The following CLASP1 variants were observed in gnomAD, a reference collection of about 807,000 sequenced individuals.
CLASP1 encodes the protein cytoplasmic linker associated protein 1, also known as CLIP-associating protein 1.
A neutral mutation model predicts 192.3 loss-of-function variants in CLASP1; 38 were observed. The observed-to-expected ratio is 0.20, with a 90% CI of 0.15 to 0.26. CLASP1 has a LOEUF of 0.26. Ranked by LOEUF, CLASP1 falls within the 10% of genes least tolerant of loss-of-function variation. The pLI is 1.00. For synonymous variants in CLASP1, 691 were observed against 712.8 expected, an observed-to-expected ratio of 0.97 and a Z score of 0.49; for missense variants, 1,433 against 1,932.5, an observed-to-expected ratio of 0.74 and a Z score of 4.85.
intron 1 of CLASP1, among the ~76,000 whole-genome samples, chr2:121,645,717 G>A (rs558699737): frequency 9.6e-4 from 146 of 152,294 alleles, no homozygotes; most frequent in Non-Finnish European, 1.6e-3. Flanking sequence ...TTCCAGGCAG[G>A]AAACAAGACA....
At chr2:121,513,259 ACTCGTGTATG>A (rs1377792634) in intron 7 of CLASP1, among the ~76,000 whole-genome samples, 2 of 152,068 alleles carry the variant, frequency 1.3e-5, no homozygotes, top group Non-Finnish European at 2.9e-5. Context: ...TTCTCCAAGC[ACTCGTGTATG>A]CCAAAGTGTC....
At chr2:121,592,077 T>C (rs1452160779) in intron 2 of CLASP1, among the ~76,000 whole-genome samples, 1 of 152,198 alleles carries the variant, frequency 6.6e-6, no homozygotes, top group East Asian at 1.9e-4. Context: ...TTCTTTTTAC[T>C]CCAATGCTGT....
At chr2:121,629,548 T>C (rs1024405436) in intron 1 of CLASP1, among the ~76,000 whole-genome samples, 1 of 152,118 alleles carries the variant, frequency 6.6e-6, no homozygotes, top group Non-Finnish European at 1.5e-5. Flanking sequence ...CCCAGCACTT[T>C]GGGAGGCCGA....
At chr2:121,548,170 A>C (rs2105112649) in intron 2 of CLASP1, among the ~76,000 whole-genome samples, 1 of 152,342 alleles carries the variant, frequency 6.6e-6, no homozygotes, top group Non-Finnish European at 1.5e-5. Flanking sequence ...TAAGAACCAA[A>C]ATAAAATGAT....
At chr2:121,647,212 A>G (rs1267316413) in intron 1 of CLASP1, among the ~76,000 whole-genome samples, 1 of 151,952 alleles carries the variant, frequency 6.6e-6, no homozygotes, top group Non-Finnish European at 1.5e-5. Context: ...TACTAAAAAT[A>G]CAAAAATTAG....
chr2:121,528,734 C>T, exon 4 of CLASP1: 1 of 1,614,038 alleles, frequency 6.2e-7, no homozygotes, highest in Non-Finnish European at 8.5e-7. Context: ...CCTGCTCCCT[C>T]ACAGAGTCTT....
chr2:121,358,289 G>A (rs1321942068), intron 37 of CLASP1, among the ~76,000 whole-genome samples: 2 of 152,186 alleles, frequency 1.3e-5, no homozygotes, highest in Non-Finnish European at 2.9e-5. Flanking sequence ...ACAGCAACCT[G>A]TATTATCTTG....
At position 121,470,672 on chromosome 2, in the gene CLASP1, C is replaced by G. The variant is rs1024904021; in HGVS notation, c.713-712G>C. 2.0e-5 allele frequency: 9 copies of G among 452,698 alleles called. 1 individual carries two copies. In the Admixed American group the frequency reaches 2.2e-4, roughly 11 times the overall value. 28.0% of individuals were successfully genotyped at this position (452,698 alleles called of 1,614,324 possible). On this transcript the variant is annotated intron_variant, in intron 8 of 39. Coordinates refer to ENST00000263710, the Ensembl canonical transcript of CLASP1. ...CACTTTTTTTTGTTTGTTTGAATTT[C>G]CAATAGTTTTAGGAATGAAAACCAT...
intron 34 of CLASP1, among the ~76,000 whole-genome samples, chr2:121,374,367 G>C (rs2069477858): frequency 6.6e-6 from 1 of 152,260 alleles, no homozygotes. Flanking sequence ...CCAGGCAAAA[G>C]TCTGCTGCAG....
At chr2:121,603,968 C>T (rs1397398177) in intron 2 of CLASP1, among the ~76,000 whole-genome samples, 1 of 152,144 alleles carries the variant, frequency 6.6e-6, no homozygotes, top group African/African-American at 2.4e-5. Flanking sequence ...TACAAAATTA[C>T]AGCTAGATAG....
Position 121,530,938 on chromosome 2 carries a change from T to C in CLASP1, c.196-613A>G, listed in dbSNP as rs942326759. The C allele has an allele frequency of 1.3e-5, 9 of 700,434 alleles. No individual in the cohort carries two copies. Among genetic ancestry groups the C allele is most frequent in the Non-Finnish European group, 2.1e-5 (8 of 384,814 alleles). 43.4% of individuals were successfully genotyped at this position (700,434 alleles called of 1,614,324 possible). A position where few individuals can be genotyped will look rare whatever the true frequency, so the allele number is the denominator to read the frequency against. ...AATGAGCGCATAGTGAGGGCAGTAC[T>C]GCTAACGCCTGAACAACACACCCGC... On this transcript the variant is annotated intron_variant, in intron 2 of 39. Transcript: ENST00000263710.
intron 19 of CLASP1, among the ~76,000 whole-genome samples, chr2:121,439,397 CT>C (rs1473809753): frequency 2.6e-5 from 4 of 151,970 alleles, no homozygotes; most frequent in African/African-American, 9.7e-5. Context: ...TCTTGCTTTT[CT>C]AGTTCTTTTA....
At chr2:121,431,527 C>A (rs747078198) in intron 19 of CLASP1, among the ~76,000 whole-genome samples, 3 of 130,102 alleles carry the variant, frequency 2.3e-5, no homozygotes, top group Non-Finnish European at 4.5e-5. Flanking sequence ...TGAGCTAAAT[C>A]AAGGCAAATC....
At chr2:121,403,417 G>A (rs1289668633) in intron 26 of CLASP1, 1 of 456,592 alleles carries the variant, frequency 2.2e-6, no homozygotes, top group African/African-American at 2.0e-5. Context: ...CTACGAGGAA[G>A]CAAGGATAGG....
intron 30 of CLASP1, among the ~76,000 whole-genome samples, chr2:121,390,399 A>C (rs1667626671): frequency 6.6e-6 from 1 of 152,208 alleles, no homozygotes; most frequent in Non-Finnish European, 1.5e-5. Context: ...AGTACTGCTG[A>C]CTTTTTCTAA....
chr2:121,606,687 T>G (rs2105919271), intron 1 of CLASP1, among the ~76,000 whole-genome samples: 2 of 152,316 alleles, frequency 1.3e-5, no homozygotes, highest in South Asian at 4.1e-4. Flanking sequence ...GGGCAGCACC[T>G]ACATCACACT....
chr2:121,515,903 T>C (rs77891775), intron 6 of CLASP1, 141 bp from the exon 7 acceptor site: 63 of 667,436 alleles, frequency 9.4e-5, no homozygotes, highest in African/African-American at 6.0e-4. Flanking sequence ...TATACATTTG[T>C]CTAGAGAAAG....
rs867445838 is a variant in CLASP1, at chr2:121,514,518, C to A, written c.644+1147G>T. Among the ~76,000 whole-genome samples the A allele has an allele frequency of 7.5e-3, 1,119 of 149,420 alleles. 8 individuals carry two copies. The highest frequency in any genetic ancestry group is 9.7e-3 in the Non-Finnish European group (649 of 67,120). On this transcript the variant is annotated intron_variant, in intron 7 of 39. Transcript: ENST00000263710. ...AACACAGGAACTTAAAAAAAAAAAA[C>A]AAAACAAAAAAAACTATTATCACAG...
intron 2 of CLASP1, among the ~76,000 whole-genome samples, chr2:121,578,713 C>T (rs1400060993): frequency 1.4e-5 from 2 of 139,466 alleles, no homozygotes; most frequent in African/African-American, 5.7e-5. Flanking sequence ...GGCAACAGAG[C>T]AAGACTCCGT....
Sources: gnomAD v4.1 joint callset for allele counts (sites outside exome capture counted in the v4.1 genomes callset) on GRCh38, gnomAD v4.1.1 for gene constraint, MANE v1.5 for transcripts, NCBI Gene and HGNC (gene_info 2026-07-23, HGNC 2026-07-21) for gene names.